The following MIB1 variants were observed in gnomAD, a reference collection of about 807,000 sequenced individuals.
MIB1 encodes the protein E3 ubiquitin-protein ligase MIB1.
A neutral mutation model predicts 124.5 loss-of-function variants in MIB1; 278 were observed. The observed-to-expected ratio is 2.23, with a 90% CI of 2.02 to 2.47. The LOEUF (loss-of-function observed/expected upper bound fraction) is 2.47. Among genes scored for constraint, MIB1 ranks in the 30% most tolerant of loss-of-function variants. MIB1 has a pLI of 0.00. For missense variants in MIB1, 957 were observed against 1,254.4 expected (o/e 0.76, Z 3.58); for synonymous variants, 446 against 429.4 (o/e 1.04, Z -0.48).
intron 20 of MIB1, among the ~76,000 whole-genome samples, chr18:21,861,887 A>G (rs1568231323): frequency 1.3e-5 from 2 of 152,026 alleles, no homozygotes; most frequent in Non-Finnish European, 2.9e-5. Flanking sequence ...TATTAATAAC[A>G]TTATCAATCT....
intron 2 of MIB1, among the ~76,000 whole-genome samples, chr18:21,768,112 A>G (rs1354996595): frequency 5.3e-5 from 8 of 152,162 alleles, no homozygotes; most frequent in Non-Finnish European, 1.2e-4. Context: ...TTGCCATTGT[A>G]GTGCTGTCTT....
chr18:21,845,779 A>G (rs1331715402), intron 15 of MIB1, among the ~76,000 whole-genome samples: 1 of 151,972 alleles, frequency 6.6e-6, no homozygotes, highest in Non-Finnish European at 1.5e-5. Flanking sequence ...GCACACCACC[A>G]CACCTGGCTA....
intron 14 of MIB1, among the ~76,000 whole-genome samples, 164 bp from the exon 15 acceptor site, chr18:21,843,928 G>T (rs186821859): frequency 2.0e-5 from 3 of 152,080 alleles, no homozygotes; most frequent in Non-Finnish European, 4.4e-5. Context: ...TCTTTGTAAG[G>T]AGCCACAGGG....
upstream of MIB1, among the ~76,000 whole-genome samples, chr18:21,739,268 C>G (rs1203501964): frequency 6.6e-6 from 1 of 152,108 alleles, no homozygotes; most frequent in African/African-American, 2.4e-5. Flanking sequence ...AGACCAATAA[C>G]AAGTTCTGAA....
At chr18:21,805,243 C>A (rs763449566) in intron 10 of MIB1, among the ~76,000 whole-genome samples, 1 of 151,976 alleles carries the variant, frequency 6.6e-6, no homozygotes, top group Non-Finnish European at 1.5e-5. Flanking sequence ...GAGCTCCTGA[C>A]CTCAAGTGAT....
intron 20 of MIB1, among the ~76,000 whole-genome samples, chr18:21,860,459 A>G (rs1441576625): frequency 1.3e-5 from 2 of 152,142 alleles, no homozygotes; most frequent in Admixed American, 1.3e-4. Context: ...CTAATATTTA[A>G]TAAAAGCAAC....
chr18:21,781,401 ATATATATATATAT>A (rs1568199057), intron 6 of MIB1, among the ~76,000 whole-genome samples: 4 of 79,246 alleles, frequency 5.0e-5, no homozygotes, highest in Non-Finnish European at 9.7e-5. Flanking sequence ...ATATATATAT[ATATATATATATAT>A]AAAATTATTA....
chr18:21,816,333 T>A (rs1406562848), intron 11 of MIB1, among the ~76,000 whole-genome samples: 1 of 152,164 alleles, frequency 6.6e-6, no homozygotes, highest in African/African-American at 2.4e-5. Context: ...CAGCTACAGT[T>A]TTATAACCAG....
At position 21,869,599 on chromosome 18, in the gene MIB1, C is replaced by T. The variant is rs563328094; in HGVS notation, c.*4933C>T. On this transcript the variant is annotated 3_prime_UTR_variant, in exon 21 of 21. Coordinates refer to ENST00000261537, the MANE Select transcript of MIB1 (RefSeq NM_020774.4). Reference sequence around the variant, plus strand: ...TTAAAGGAAGTTTTCTAGATTTGCACTTGATGTTTGTTTTTTAAAAACTGA... The same window carrying T: ...TTAAAGGAAGTTTTCTAGATTTGCATTTGATGTTTGTTTTTTAAAAACTGA... 6.6e-6 allele frequency: 1 copy of T among 152,398 alleles called. No homozygotes were observed. Among genetic ancestry groups the T allele is most frequent in the Non-Finnish European group, 1.5e-5 (1 of 67,900 alleles). The allele number at this position is 152,398 out of a possible 1,614,324, so 9.4% of individuals were successfully genotyped here. A position where few individuals can be genotyped will look rare whatever the true frequency, so the allele number is the denominator to read the frequency against.
intron 12 of MIB1, among the ~76,000 whole-genome samples, chr18:21,836,534 A>G (rs2146497891): frequency 1.3e-5 from 2 of 152,206 alleles, no homozygotes; most frequent in Middle Eastern, 6.8e-3. Context: ...TTATCCTGTA[A>G]TTTCTTAATT....
chr18:21,838,304 ACTTTT>A (rs747624540), intron 12 of MIB1, 56 bp from the exon 13 acceptor site: 30 of 1,235,456 alleles, frequency 2.4e-5, no homozygotes, highest in African/African-American at 3.1e-5. Context: ...TTGATTGCAA[ACTTTT>A]CTTTTGAGTA....
intron 5 of MIB1, among the ~76,000 whole-genome samples, chr18:21,778,908 T>C (rs950443700): frequency 1.3e-5 from 2 of 152,082 alleles, no homozygotes; most frequent in African/African-American, 4.8e-5. Context: ...ATAAGAAAAA[T>C]GCAAAATCAA....
intron 4 of MIB1, among the ~76,000 whole-genome samples, chr18:21,776,260 C>A (rs866990304): frequency 7.4e-5 from 8 of 107,788 alleles, no homozygotes; most frequent in South Asian, 7.0e-4. Flanking sequence ...CAGAGAGAGA[C>A]CCTGTCTCAA....
At chr18:21,814,128 T>C (rs935174411) in intron 10 of MIB1, among the ~76,000 whole-genome samples, 11 of 152,202 alleles carry the variant, frequency 7.2e-5, no homozygotes, top group Non-Finnish European at 1.5e-4. Context: ...TCCTGCCTTC[T>C]CATTTCTTCA....
intron 1 of MIB1, among the ~76,000 whole-genome samples, chr18:21,706,230 C>G (rs1485828457): frequency 6.6e-6 from 1 of 152,114 alleles, no homozygotes; most frequent in Non-Finnish European, 1.5e-5. Flanking sequence ...TACAGGCATG[C>G]ACAACCACAC....
Position 21,868,977 on chromosome 18 carries a change from T to G in MIB1, c.*4311T>G, listed in dbSNP as rs1250312773. 2 of 152,482 alleles carry G rather than the reference T, an allele frequency of 1.3e-5. No individual in the cohort carries two copies. Among genetic ancestry groups the G allele is most frequent in the Non-Finnish European group, 2.9e-5 (2 of 67,906 alleles). The allele number at this position is 152,482 out of a possible 1,614,324, so 9.4% of individuals were successfully genotyped here. A position where few individuals can be genotyped will look rare whatever the true frequency, so the allele number is the denominator to read the frequency against. On this transcript the variant is annotated 3_prime_UTR_variant, in exon 21 of 21. Coordinates refer to ENST00000261537, the MANE Select transcript of MIB1 (RefSeq NM_020774.4). ...ATTGTAAATTGCTACATTGGCATTT[T>G]CTACCTCCTTTTCTGTCAGAGTATT... is the stretch of plus-strand genomic sequence containing the variant.
At chr18:21,784,134 C>T (rs1012921821) in intron 6 of MIB1, among the ~76,000 whole-genome samples, 47 of 148,838 alleles carry the variant, frequency 3.2e-4, no homozygotes, top group African/African-American at 1.1e-3. Flanking sequence ...CTGTGACCTC[C>T]GACTCCCTGG....
chr18:21,822,704 A>AT (rs140314224), intron 12 of MIB1, among the ~76,000 whole-genome samples: 143,988 of 152,132 alleles, frequency 0.95, 68,349 homozygotes, highest in South Asian at 0.98. Flanking sequence ...CTTAAGGTTG[A>AT]TTTTTCCCCC....
At chr18:21,859,392 CAAA>C (rs55876332) in intron 20 of MIB1, among the ~76,000 whole-genome samples, 9 of 122,050 alleles carry the variant, frequency 7.4e-5, no homozygotes, top group African/African-American at 1.8e-4. Flanking sequence ...GACCCCATCT[CAAA>C]AAAAAAAAAA....
Sources: allele counts gnomAD v4.1 joint callset (sites outside exome capture counted in the v4.1 genomes callset), GRCh38; gene constraint gnomAD v4.1.1; transcripts MANE v1.5; gene names NCBI Gene and HGNC (gene_info 2026-07-23, HGNC 2026-07-21).